TMEM192: variants seen among roughly 807,000 people sequenced by gnomAD.
TMEM192 encodes the protein transmembrane protein 192.
Under a neutral mutation model 26.7 loss-of-function variants are expected in TMEM192, and 20 were observed. The observed-to-expected ratio is 0.75, with a 90% CI of 0.53 to 1.09. TMEM192 has a LOEUF of 1.09. Ranked by LOEUF, TMEM192 falls within the 50% of genes least tolerant of loss-of-function variation. The probability of loss-of-function intolerance (pLI) is 0.00; values close to 1 mark genes in which losing one functional copy is unlikely to be tolerated. For synonymous variants in TMEM192, 124 were observed against 121.0 expected (o/e 1.02, Z -0.16); for missense variants, 304 against 322.6 (o/e 0.94, Z 0.44).
intron 3 of TMEM192, among the ~76,000 whole-genome samples, chr4:165,094,431 C>T (rs972876827): frequency 2.0e-5 from 3 of 152,042 alleles, no homozygotes; most frequent in South Asian, 2.1e-4. Context: ...TCTAGGCTGG[C>T]GGTGGCTCCT....
At chr4:165,080,702 T>C (rs893017947) in intron 5 of TMEM192, among the ~76,000 whole-genome samples, 9 of 152,154 alleles carry the variant, frequency 5.9e-5, no homozygotes, top group Admixed American at 5.2e-4. Context: ...GAATGGGCTA[T>C]GTAACCACAT....
intron 5 of TMEM192, among the ~76,000 whole-genome samples, chr4:165,080,631 T>G (rs1734498503): frequency 6.6e-6 from 1 of 152,162 alleles, no homozygotes; most frequent in African/African-American, 2.4e-5. Flanking sequence ...TGGTCCCATG[T>G]GAACAAAAAA....
intron 3 of TMEM192, among the ~76,000 whole-genome samples, chr4:165,094,372 G>C (rs11100596): frequency 0.41 from 62,402 of 152,070 alleles, 14,194 homozygotes; most frequent in East Asian, 0.64. Context: ...TATAACCATA[G>C]ACATAGTCTA....
chr4:165,079,442 C>T lies in TMEM192; in HGVS notation c.*216G>A. ...TCCAAAAGTACAAACAGACATTCCC[C>T]TCAAGTTATCCGGGCTTCTACAGGT... On this transcript the variant is annotated 3_prime_UTR_variant, in exon 6 of 6. Coordinates refer to ENST00000306480, the MANE Select transcript of TMEM192 (RefSeq NM_001100389.2). The T allele has an allele frequency of 6.5e-6, 3 of 462,422 alleles. No homozygotes were observed. The highest frequency in any genetic ancestry group is 1.1e-5 in the Non-Finnish European group (3 of 265,362). The allele number at this position is 462,422 out of a possible 1,614,324, so 28.6% of individuals were successfully genotyped here.
chr4:165,072,115 CAGG>C lies in TMEM192; in HGVS notation c.*7540_*7542del, dbSNP rs1734283787. ...AAGCACACCTATAATCCCAGCTACT[CAGG>C]AGGCTGAGGAAGGAGAATTGCTTGA... is the stretch of plus-strand genomic sequence containing the variant. On this transcript the variant is annotated 3_prime_UTR_variant, in exon 6 of 6. Coordinates refer to ENST00000306480, the MANE Select transcript of TMEM192 (RefSeq NM_001100389.2). The C allele has an allele frequency of 6.6e-6, 1 of 152,062 alleles. No individual in the cohort carries two copies. The highest frequency in any genetic ancestry group is 2.4e-5 in the African/African-American group (1 of 41,350). The allele number at this position is 152,062 out of a possible 1,614,324, so 9.4% of individuals were successfully genotyped here.
intron 1 of TMEM192, among the ~76,000 whole-genome samples, chr4:165,110,888 C>A (rs895440804): frequency 6.6e-6 from 1 of 152,146 alleles, no homozygotes; most frequent in Non-Finnish European, 1.5e-5. Context: ...GGTTTCACTG[C>A]CTGCAAACAA....
chr4:165,091,729 T>C (rs763314233), intron 3 of TMEM192, among the ~76,000 whole-genome samples: 3 of 152,162 alleles, frequency 2.0e-5, no homozygotes, highest in Non-Finnish European at 4.4e-5. Context: ...AATACAACTA[T>C]ATAAAAACCT....
intron 5 of TMEM192, among the ~76,000 whole-genome samples, chr4:165,080,482 A>C (rs79584172): frequency 0.019 from 2,866 of 152,260 alleles, 84 homozygotes; most frequent in African/African-American, 0.063. Flanking sequence ...GATGAATTTT[A>C]ATGTTGACTA....
At chr4:165,099,357 A>T (rs549965943) in intron 3 of TMEM192, among the ~76,000 whole-genome samples, 68 of 152,188 alleles carry the variant, frequency 4.5e-4, no homozygotes, top group Admixed American at 1.2e-3. Context: ...AAGTGCTGGG[A>T]TTACAGGCAT....
At chr4:165,100,162 CTTTTTTT>C (rs35075062) in intron 3 of TMEM192, among the ~76,000 whole-genome samples, 2 of 134,752 alleles carry the variant, frequency 1.5e-5, no homozygotes, top group Non-Finnish European at 3.1e-5. Context: ...AATAAAAGTT[CTTTTTTT>C]TTTTTTTTTG....
intron 4 of TMEM192, among the ~76,000 whole-genome samples, chr4:165,085,954 C>G (rs548626550): frequency 1.3e-5 from 2 of 152,266 alleles, no homozygotes; most frequent in East Asian, 3.9e-4. Flanking sequence ...CTCATAAACA[C>G]CTGCATGAAG....
At chr4:165,097,805 C>T (rs987298659) in intron 3 of TMEM192, among the ~76,000 whole-genome samples, 12 of 150,692 alleles carry the variant, frequency 8.0e-5, no homozygotes, top group African/African-American at 2.9e-4. Flanking sequence ...TTTTATTTTA[C>T]TTATTTATTT....
In TMEM192 at chr4:165,085,641, C is replaced by T. The variant is rs1734594376; in HGVS notation, c.622G>A (p.Glu208Lys). Reference sequence around the variant, plus strand: ...GGGTAAGCATAGATTTTTTCTTCTTCAAGTATATCAGGCTCTGGTTTAGCT... The same window carrying T: ...GGGTAAGCATAGATTTTTTCTTCTTTAAGTATATCAGGCTCTGGTTTAGCT... ...NKAKPEPDIL[E>K]EEKIYAYPSN... The change falls in exon 5 of 6, where the codon GAA becomes AAA. Residue 208 changes from glutamate (E) to lysine (K), a missense_variant. Transcript: ENST00000306480. 1.9e-6 allele frequency: 3 copies of T among 1,612,642 alleles called. No individual in the cohort carries two copies. The highest frequency in any genetic ancestry group is 1.6e-4 in the Middle Eastern group (1 of 6,078).
In TMEM192 at chr4:165,077,186, C is replaced by T. The variant is rs1388775777; in HGVS notation, c.*2472G>A. 1 of 152,162 alleles carries T rather than the reference C, an allele frequency of 6.6e-6. No individual in the cohort carries two copies. The highest frequency in any genetic ancestry group is 1.9e-4 in the East Asian group (1 of 5,186). 9.4% of individuals were successfully genotyped at this position (152,162 alleles called of 1,614,324 possible). Reference sequence around the variant, plus strand: ...ATTCAGAAAAATGTTGATGATTATACAACAAACATGTTGATGATTACATAA... The same window carrying T: ...ATTCAGAAAAATGTTGATGATTATATAACAAACATGTTGATGATTACATAA... On this transcript the variant is annotated 3_prime_UTR_variant, in exon 6 of 6. Coordinates refer to ENST00000306480, the MANE Select transcript of TMEM192 (RefSeq NM_001100389.2).
intron 4 of TMEM192, among the ~76,000 whole-genome samples, chr4:165,087,561 T>C (rs1244408992): frequency 6.6e-6 from 1 of 152,200 alleles, no homozygotes; most frequent in East Asian, 1.9e-4. Context: ...GAGGGAAATT[T>C]TGAAGAAAAT....
chr4:165,100,874 C>G lies in TMEM192; in HGVS notation c.193G>C (p.Ala65Pro). 1 of 1,611,092 alleles carries G rather than the reference C, an allele frequency of 6.2e-7. No individual in the cohort carries two copies. The highest frequency in any genetic ancestry group is 1.1e-5 in the South Asian group (1 of 90,350). Residue 65 changes from alanine to proline, a missense_variant, in exon 3 of 6, where the codon GCA (alanine) becomes CCA (proline). By Grantham distance (27) the Ala-to-Pro change is conservative. Transcript: ENST00000306480. ...WFIHLVFVVL[A>P]FLTGVLCSYP... Reference sequence around the variant, plus strand: ...GAACAAAGCACACCTGTTAAAAATGCTAAAACAACAAACACGAGCTGGGGG... The same window carrying G: ...GAACAAAGCACACCTGTTAAAAATGGTAAAACAACAAACACGAGCTGGGGG...
chr4:165,112,838 G>C lies in TMEM192; in HGVS notation c.-65C>G. Reference sequence around the variant, plus strand: ...TCTCCACCTGGACCTGTAAGCCTCTGGCCGCGAAACTCGCCACCTTCTGGG... The same window carrying C: ...TCTCCACCTGGACCTGTAAGCCTCTCGCCGCGAAACTCGCCACCTTCTGGG... On this transcript the variant is annotated 5_prime_UTR_variant, in exon 1 of 6. Coordinates refer to ENST00000306480, the MANE Select transcript of TMEM192 (RefSeq NM_001100389.2). The C allele has an allele frequency of 6.3e-7, 1 of 1,575,304 alleles. No individual in the cohort carries two copies.
At chr4:165,102,305 AAG>A (rs1735054475) in intron 2 of TMEM192, among the ~76,000 whole-genome samples, 1 of 152,200 alleles carries the variant, frequency 6.6e-6, no homozygotes, top group Non-Finnish European at 1.5e-5. Flanking sequence ...AAAGTAATAC[AAG>A]CACATGGTTA....
intron 3 of TMEM192, among the ~76,000 whole-genome samples, chr4:165,089,245 C>A (rs988599320): frequency 6.6e-6 from 1 of 151,618 alleles, no homozygotes; most frequent in Non-Finnish European, 1.5e-5. Flanking sequence ...AGACTCCTCA[C>A]CCCCAACCCT....
Sources: gnomAD v4.1 joint callset for allele counts (sites outside exome capture counted in the v4.1 genomes callset) on GRCh38, gnomAD v4.1.1 for gene constraint, MANE v1.5 for transcripts, NCBI Gene and HGNC (gene_info 2026-07-23, HGNC 2026-07-21) for gene names.